Variants in RILPL1 observed in about 807,000 individuals in gnomAD.
The protein encoded by RILPL1 is RILP-like protein 1.
A neutral mutation model predicts 50.3 loss-of-function variants in RILPL1; 33 were observed. That is an observed-to-expected ratio of 0.66 (90% CI 0.50 to 0.88). The LOEUF is 0.88. Ranked by LOEUF, RILPL1 falls within the 40% of genes least tolerant of loss-of-function variation. The pLI is 0.00. For synonymous variants in RILPL1, 205 were observed against 228.6 expected (o/e 0.90, Z 0.93); for missense variants, 418 against 542.5 (o/e 0.77, Z 2.28).
chr12:123,492,905 G>C (rs1044593144), intron 4 of RILPL1, among the ~76,000 whole-genome samples: 15 of 152,184 alleles, frequency 9.9e-5, no homozygotes, highest in Non-Finnish European at 1.8e-4. Context: ...ACTGCGGAAG[G>C]CCACAGGGAC....
intron 4 of RILPL1, among the ~76,000 whole-genome samples, chr12:123,497,422 T>A (rs563959040): frequency 2.6e-5 from 4 of 152,304 alleles, no homozygotes; most frequent in African/African-American, 9.6e-5. Flanking sequence ...TCTGACTCAC[T>A]CTGTTGCCCA....
At chr12:123,505,990 G>GA (rs1296681808) in intron 2 of RILPL1, among the ~76,000 whole-genome samples, 1 of 152,190 alleles carries the variant, frequency 6.6e-6, no homozygotes, top group African/African-American at 2.4e-5. Flanking sequence ...TCAGCGTGGT[G>GA]AATAAATGAA....
At chr12:123,509,638 T>C (rs1441848961) in intron 2 of RILPL1, among the ~76,000 whole-genome samples, 1 of 151,574 alleles carries the variant, frequency 6.6e-6, no homozygotes, top group Admixed American at 6.6e-5. Flanking sequence ...TTATGCTTAG[T>C]GAAAAAGCCA....
intron 6 of RILPL1, chr12:123,475,445 G>C (rs764099512): frequency 3.5e-6 from 2 of 563,998 alleles, no homozygotes; most frequent in Non-Finnish European, 6.4e-6. Context: ...AAGAATTATC[G>C]GTGACAGAGC....
At position 123,533,505 on chromosome 12, in the gene RILPL1, C is replaced by A. The variant is rs1336727319; in HGVS notation, c.-23G>T. 4.0e-6 allele frequency: 6 copies of A among 1,481,580 alleles called. No homozygotes were observed. Among genetic ancestry groups the A allele is most frequent in the Middle Eastern group, 4.4e-4 (2 of 4,504 alleles). The allele number at this position is 1,481,580 out of a possible 1,614,324, so 91.8% of individuals were successfully genotyped here. ...CATGGCCACCCTCCTGGCCTGTCCC[C>A]CGCCCCGCAAACTCGTGCAACTCCC... is the stretch of plus-strand genomic sequence containing the variant. On this transcript the variant is annotated 5_prime_UTR_variant, in exon 1 of 7. Coordinates refer to ENST00000376874, the MANE Select transcript of RILPL1 (RefSeq NM_178314.5). The surrounding 1 kb of genome is among the most constrained non-coding windows in gnomAD (Gnocchi z 6.2).
At chr12:123,483,424 G>C (rs1264596579) in intron 6 of RILPL1, among the ~76,000 whole-genome samples, 1 of 152,226 alleles carries the variant, frequency 6.6e-6, no homozygotes, top group Admixed American at 6.5e-5. Context: ...TATTCTGTGG[G>C]AACAGGACCC....
chr12:123,504,555 C>A (rs1883616257), intron 2 of RILPL1, among the ~76,000 whole-genome samples: 1 of 152,162 alleles, frequency 6.6e-6, no homozygotes, highest in Non-Finnish European at 1.5e-5. Flanking sequence ...GGGCCCCACA[C>A]ATGACAGATG....
intron 2 of RILPL1, among the ~76,000 whole-genome samples, chr12:123,500,763 G>A (rs1454288616): frequency 6.6e-6 from 1 of 152,130 alleles, no homozygotes; most frequent in Non-Finnish European, 1.5e-5. Flanking sequence ...GGGCTGTTGT[G>A]AGGATTGATT....
chr12:123,489,150 CTT>C lies in RILPL1; in HGVS notation c.802-3347_802-3346del, dbSNP rs1271567724. Among the ~76,000 whole-genome samples the C allele has an allele frequency of 6.6e-6, 1 of 152,208 alleles. No individual in the cohort carries two copies. Among genetic ancestry groups the C allele is most frequent in the Non-Finnish European group, 1.5e-5 (1 of 68,034 alleles). On this transcript the variant is annotated intron_variant, in intron 4 of 6. Transcript: ENST00000376874. The surrounding 1 kb of genome is among the most constrained non-coding windows in gnomAD (Gnocchi z 4.0). ...TTATCCAACATTTACTGAGAGCTAA[CTT>C]TGTGCCTTGCTGGCCGTGGAGCTCA...
chr12:123,477,860 AT>A (rs1881699959), intron 6 of RILPL1, among the ~76,000 whole-genome samples: 1 of 151,688 alleles, frequency 6.6e-6, no homozygotes, highest in East Asian at 1.9e-4. Context: ...CACGGGGGAC[AT>A]TTTGCCTCAA....
chr12:123,508,014 G>A (rs1241976697), intron 2 of RILPL1, among the ~76,000 whole-genome samples: 1 of 151,758 alleles, frequency 6.6e-6, no homozygotes, highest in Non-Finnish European at 1.5e-5. Context: ...GGGAATAGGG[G>A]GAATGGGGGA....
At chr12:123,532,703 T>TC (rs1555270607) in intron 1 of RILPL1, among the ~76,000 whole-genome samples, 9 of 23,644 alleles carry the variant, frequency 3.8e-4, no homozygotes, top group African/African-American at 1.0e-3. Flanking sequence ...CTGGGGAGAC[T>TC]GGGGGGGGGG....
chr12:123,533,590 G>T lies in RILPL1; in HGVS notation c.-108C>A. ...CCCAGCCTGGGCCGCGGGCGGGCGC[G>T]CTCAGCGGGCGCTGGGGCGAGGGCG... On this transcript the variant is annotated 5_prime_UTR_variant, in exon 1 of 7. Coordinates refer to ENST00000376874, the MANE Select transcript of RILPL1 (RefSeq NM_178314.5). The surrounding 1 kb of genome is among the most constrained non-coding windows in gnomAD (Gnocchi z 6.2). The T allele has an allele frequency of 1.1e-6, 1 of 943,090 alleles. No homozygotes were observed. The highest frequency in any genetic ancestry group is 1.3e-6 in the Non-Finnish European group (1 of 741,514). 58.4% of individuals were successfully genotyped at this position (943,090 alleles called of 1,614,324 possible). A position where few individuals can be genotyped will look rare whatever the true frequency, so the allele number is the denominator to read the frequency against.
intron 1 of RILPL1, among the ~76,000 whole-genome samples, chr12:123,529,643 C>T (rs919102955): frequency 1.3e-5 from 2 of 151,080 alleles, no homozygotes; most frequent in Non-Finnish European, 2.9e-5. Flanking sequence ...AGTCCCAGCA[C>T]TTTGGGAGGA....
At chr12:123,506,961 C>T (rs1026103514) in intron 2 of RILPL1, among the ~76,000 whole-genome samples, 7 of 152,064 alleles carry the variant, frequency 4.6e-5, no homozygotes, top group Non-Finnish European at 2.9e-5. Context: ...CCCACAGAGA[C>T]GTCAGCCCTG....
chr12:123,501,351 G>A (rs552478302), intron 2 of RILPL1, among the ~76,000 whole-genome samples: 34 of 152,040 alleles, frequency 2.2e-4, no homozygotes, highest in African/African-American at 8.2e-4. Flanking sequence ...AGGCTGACGA[G>A]GGAGGAACAC....
At chr12:123,512,425 CTGAGGTCTG>C (rs1884376229) in intron 2 of RILPL1, among the ~76,000 whole-genome samples, 1 of 45,052 alleles carries the variant, frequency 2.2e-5, no homozygotes. Context: ...TGTGGTGTGT[CTGAGGTCTG>C]TGTGTGTGGT....
In RILPL1 at chr12:123,472,652, G is replaced by T; in HGVS notation, c.1098C>A (p.Arg366=). 2 of 1,599,012 alleles carry T rather than the reference G, an allele frequency of 1.3e-6. No homozygotes were observed. Among genetic ancestry groups the T allele is most frequent in the Non-Finnish European group, 1.7e-6 (2 of 1,172,778 alleles). The change falls in exon 7 of 7, where the codon CGC becomes CGA. Residue 366 remains arginine (R), a synonymous_variant. Transcript: ENST00000376874. The part of the protein sequence containing the change: ...LFSFFSRDKK[R]LANTQRNVHI... ...GCACGTTTCTCTGTGTGTTGGCCAG[G>T]CGCTTCTTATCTCGGGAGAAGAAGC...
At chr12:123,517,120 G>C (rs1432583979) in intron 2 of RILPL1, among the ~76,000 whole-genome samples, 3 of 152,010 alleles carry the variant, frequency 2.0e-5, no homozygotes, top group Admixed American at 2.0e-4. Context: ...ATAAAGGAGA[G>C]GGAGCTGAGA....
Sources: allele counts gnomAD v4.1 joint callset (sites outside exome capture counted in the v4.1 genomes callset), GRCh38; gene constraint gnomAD v4.1.1; non-coding constraint Gnocchi (gnomAD v3.1); transcripts MANE v1.5; gene names NCBI Gene and HGNC (gene_info 2026-07-23, HGNC 2026-07-21).